RBM25: variants seen among roughly 807,000 people sequenced by gnomAD.
The protein encoded by RBM25 is RNA-binding protein 25.
A neutral mutation model predicts 120.7 loss-of-function variants in RBM25; 19 were observed. The observed-to-expected ratio is 0.16, with a 90% CI of 0.11 to 0.23. The LOEUF is 0.23. Among genes scored for constraint, RBM25 ranks in the 10% least tolerant of loss-of-function variants. The probability of loss-of-function intolerance (pLI) is 1.00; values close to 1 mark genes in which losing one functional copy is unlikely to be tolerated. For missense variants in RBM25, 605 were observed against 1,041.5 expected (o/e 0.58, Z 5.77); for synonymous variants, 390 against 326.7 (o/e 1.19, Z -2.09).
At chr14:73,085,025 TTTTC>T (rs1895651304) in intron 5 of RBM25, among the ~76,000 whole-genome samples, 1 of 151,762 alleles carries the variant, frequency 6.6e-6, no homozygotes, top group Admixed American at 6.6e-5. Flanking sequence ...CAGTAGTCTT[TTTTC>T]TTTTTTTTGA....
chr14:73,103,994 A>ACACACACTCT (rs1339176135), intron 10 of RBM25, among the ~76,000 whole-genome samples: 19 of 99,444 alleles, frequency 1.9e-4, no homozygotes, highest in Non-Finnish European at 2.2e-4. Context: ...ACACACACAC[A>ACACACACTCT]CTCTCTCTCT....
intron 4 of RBM25, among the ~76,000 whole-genome samples, chr14:73,078,794 AGG>A (rs1895486421): frequency 6.6e-6 from 1 of 152,004 alleles, no homozygotes; most frequent in African/African-American, 2.4e-5. Flanking sequence ...TTTAGAGACA[AGG>A]TTTCATCATG....
At chr14:73,103,944 TCTCTCACACACA>T (rs1350901618) in intron 10 of RBM25, among the ~76,000 whole-genome samples, 87 of 42,450 alleles carry the variant, frequency 2.0e-3, no homozygotes, top group Middle Eastern at 8.8e-3. Flanking sequence ...TCTCTCTCTC[TCTCTCACACACA>T]CACACACACA....
intron 9 of RBM25, 52 bp downstream of exon 9, chr14:73,099,802 C>A: frequency 6.6e-7 from 1 of 1,523,098 alleles, no homozygotes; most frequent in African/African-American, 1.4e-5. Context: ...TTACAGAATC[C>A]AAAGCAAAGA....
intron 13 of RBM25, among the ~76,000 whole-genome samples, chr14:73,108,317 T>C (rs528254766): frequency 2.4e-4 from 37 of 152,250 alleles, no homozygotes; most frequent in African/African-American, 8.7e-4. Flanking sequence ...CTTGAGTAGG[T>C]TGGACTATAG....
In RBM25 at chr14:73,071,648, T is replaced by C. The variant is rs1214228909; in HGVS notation, c.7T>C (p.Phe3Leu). ...TTAGACTGCTGCAGTAAGAATGTCT[T>C]TTCCACCTCATTTGAATCGCCCTCC... MS[F>L]PPHLNRPPMG... The change falls in exon 2 of 19, where the codon TTT becomes CTT. Residue 3 changes from phenylalanine to leucine, a missense_variant. By Grantham distance (22) the Phe-to-Leu change is conservative. Transcript: ENST00000261973. 1.1e-5 allele frequency: 18 copies of C among 1,612,706 alleles called. No homozygotes were observed. Among genetic ancestry groups the C allele is most frequent in the Non-Finnish European group, 1.4e-5 (16 of 1,178,930 alleles).
At chr14:73,115,997 A>G (rs1896419090) in intron 18 of RBM25, among the ~76,000 whole-genome samples, 1 of 152,102 alleles carries the variant, frequency 6.6e-6, no homozygotes, top group Non-Finnish European at 1.5e-5. Flanking sequence ...AAGTGGGGGG[A>G]AAGACTAGAT....
intron 9 of RBM25, 123 bp downstream of exon 9, chr14:73,099,873 G>A (rs1896024144): frequency 7.6e-7 from 1 of 1,308,966 alleles, no homozygotes. Context: ...AGGTTTAATT[G>A]ATATTTAGAT....
chr14:73,103,907 C>CTG (rs773744090), intron 10 of RBM25, among the ~76,000 whole-genome samples: 72 of 69,480 alleles, frequency 1.0e-3, no homozygotes, highest in East Asian at 6.5e-3. Flanking sequence ...GTCTGTCTGT[C>CTG]TCTCTCTCTC....
intron 18 of RBM25, among the ~76,000 whole-genome samples, chr14:73,118,083 T>C (rs1454507274): frequency 1.3e-5 from 2 of 152,254 alleles, no homozygotes; most frequent in African/African-American, 2.4e-5. Flanking sequence ...TGATTGTATT[T>C]GCTTATTGTG....
intron 18 of RBM25, among the ~76,000 whole-genome samples, chr14:73,118,654 A>G (rs1185036172): frequency 6.6e-6 from 1 of 152,142 alleles, no homozygotes; most frequent in Non-Finnish European, 1.5e-5. Context: ...AGTATCTGTA[A>G]AGGTAAAATA....
chr14:73,118,768 T>C (rs1205210281), intron 18 of RBM25, among the ~76,000 whole-genome samples: 7 of 151,614 alleles, frequency 4.6e-5, no homozygotes, highest in Admixed American at 4.6e-4. Context: ...TTACATTTAC[T>C]ATTTATTTAT....
Position 73,106,201 on chromosome 14 carries a change from T to G in RBM25, c.1383T>G (p.Leu461=). 1 of 1,588,294 alleles carries G rather than the reference T, an allele frequency of 6.3e-7. No individual in the cohort carries two copies. The highest frequency in any genetic ancestry group is 8.5e-7 in the Non-Finnish European group (1 of 1,172,176). The change falls in exon 12 of 19, where the codon CTT becomes CTG. Residue 461 remains leucine, a synonymous_variant. Coordinates refer to ENST00000261973, the MANE Select transcript of RBM25 (RefSeq NM_021239.3). The part of the protein sequence containing the change: ...REKEAAYQER[L]KNWEIRERKK... Reference sequence around the variant, plus strand: ...TGAAAATTTAATTTTTTTAGCGCCTTAAGAATTGGGAAATCAGAGAACGAA... The same window carrying G: ...TGAAAATTTAATTTTTTTAGCGCCTGAAGAATTGGGAAATCAGAGAACGAA...
Position 73,112,798 on chromosome 14 carries a change from T to TTTTTTG in RBM25, c.2391+560_2391+565dup, listed in dbSNP as rs767103496. On this transcript the variant is annotated intron_variant, in intron 17 of 18. Transcript: ENST00000261973. Reference sequence around the variant, plus strand: ...TTGTTTTGTTTTGTTTTGTTTTTTGTTTTTTGTTTTTGTTTTTTCTTTTGA... The same window carrying TTTTTTG: ...TTGTTTTGTTTTGTTTTGTTTTTTGTTTTTTGTTTTTGTTTTTGTTTTTTCTTTTGA... Among the ~76,000 whole-genome samples the TTTTTTG allele has an allele frequency of 4.1e-4, 62 of 152,090 alleles. No individual in the cohort carries two copies. In the South Asian group the frequency reaches 7.5e-3, roughly 18 times the overall value.
At chr14:73,064,057 C>G (rs974897314) in intron 1 of RBM25, among the ~76,000 whole-genome samples, 2 of 151,310 alleles carry the variant, frequency 1.3e-5, no homozygotes, top group African/African-American at 4.8e-5. Context: ...GGCTTCCTGC[C>G]TCTGCCTCTT....
chr14:73,083,759 G>A (rs1947531642), intron 5 of RBM25, among the ~76,000 whole-genome samples: 1 of 152,154 alleles, frequency 6.6e-6, no homozygotes, highest in African/African-American at 2.4e-5. Context: ...AAAGGTGTAA[G>A]AGGAAAGGAA....
rs575171297 is a variant in RBM25 at position 73,081,988 on chromosome 14, C to A, written c.325-1506C>A. ...TGGTCACTTACTTGGTGGGCCATTT[C>A]GTTCTGGAGCCTTTTTTCAGGAGAA... On this transcript the variant is annotated intron_variant, in intron 4 of 18. Coordinates refer to ENST00000261973, the MANE Select transcript of RBM25 (RefSeq NM_021239.3). Among the ~76,000 whole-genome samples the A allele has an allele frequency of 1.4e-4, 22 of 152,228 alleles. No homozygotes were observed. The South Asian group carries it at 4.6e-3, about 32-fold the overall frequency.
At chr14:73,095,940 T>C (rs1288080394) in intron 6 of RBM25, among the ~76,000 whole-genome samples, 1 of 152,138 alleles carries the variant, frequency 6.6e-6, no homozygotes, top group Admixed American at 6.5e-5. Flanking sequence ...GCCAACAATT[T>C]TCCCCACATA....
chr14:73,109,459 A>T lies in RBM25; in HGVS notation c.1659A>T (p.Glu553Asp). 6.2e-7 allele frequency: 1 copy of T among 1,614,128 alleles called. No individual in the cohort carries two copies. The highest frequency in any genetic ancestry group is 8.5e-7 in the Non-Finnish European group (1 of 1,179,986). Residue 553 changes from glutamate (E) to aspartate (D), a missense_variant, in exon 14 of 19, where the codon GAA becomes GAT. By Grantham distance (45) the Glu-to-Asp change is conservative. This residue lies in a region of RBM25 where 465 missense variants were observed against 741.6 expected (regional missense o/e 0.63). Transcript: ENST00000261973. The part of the protein sequence containing the change: ...LEEIRQRLLA[E>D]GHPDPDAELQ... ...AAATCAGGCAGCGCCTTCTGGCAGA[A>T]GGGCATCCAGATCCAGATGCAGAGC...
Sources: gnomAD v4.1 joint callset for allele counts (sites outside exome capture counted in the v4.1 genomes callset) on GRCh38, gnomAD v4.1.1 for gene constraint, gnomAD v4.1.1 regional missense constraint, MANE v1.5 for transcripts, NCBI Gene and HGNC (gene_info 2026-07-23, HGNC 2026-07-21) for gene names.